Variants in NME7 observed in about 807,000 individuals in gnomAD.
NME7 encodes nucleoside diphosphate kinase 7.
NME7 carries 41 observed loss-of-function variants against 49.1 expected under a neutral mutation model. The observed-to-expected ratio is 0.83, with a 90% CI of 0.65 to 1.08. The LOEUF is 1.08. NME7 is among the 50% of genes least tolerant of loss of function. The pLI is 0.00. For missense variants in NME7, 423 were observed against 463.4 expected (o/e 0.91, Z 0.80); for synonymous variants, 139 against 150.6 (o/e 0.92, Z 0.56).
chr1:169,314,966 T>C (rs973022820), intron 3 of NME7, among the ~76,000 whole-genome samples: 1 of 152,116 alleles, frequency 6.6e-6, no homozygotes. Context: ...GATGGTCTCT[T>C]CATAGTAATA....
intron 10 of NME7, among the ~76,000 whole-genome samples, chr1:169,215,381 G>T (rs960332305): frequency 5.9e-5 from 9 of 152,162 alleles, no homozygotes; most frequent in African/African-American, 1.9e-4. Flanking sequence ...TATTCAGAAA[G>T]AACCAATCAG....
chr1:169,272,545 GT>G lies in NME7; in HGVS notation c.754+14757del, dbSNP rs1359742279. Among the ~76,000 whole-genome samples, 6 of 127,910 alleles carry G rather than the reference GT, an allele frequency of 4.7e-5. 1 individual carries two copies. Among genetic ancestry groups the G allele is most frequent in the African/African-American group, 1.6e-4 (6 of 38,134 alleles). 83.9% of individuals were successfully genotyped at this position (127,910 alleles called of 152,430 possible). On this transcript the variant is annotated intron_variant, in intron 7 of 11. Coordinates refer to ENST00000367811, the MANE Select transcript of NME7 (RefSeq NM_013330.5). ...CCACTGGTAAGTGAAAACATGCAGT[GT>G]TTGGTTTTCTGTTCCTGAGTCAGTT...
intron 11 of NME7, among the ~76,000 whole-genome samples, chr1:169,144,291 A>G (rs1658689926): frequency 6.6e-6 from 1 of 152,176 alleles, no homozygotes; most frequent in Non-Finnish European, 1.5e-5. Context: ...GAGAAGACAA[A>G]CTGGAATACT....
chr1:169,349,230 T>C (rs1653063162), intron 1 of NME7, among the ~76,000 whole-genome samples: 1 of 152,142 alleles, frequency 6.6e-6, no homozygotes, highest in Non-Finnish European at 1.5e-5. Flanking sequence ...CCTCCTTTTG[T>C]TTTTAATATA....
chr1:169,243,595 A>T (rs1477103627), intron 7 of NME7, among the ~76,000 whole-genome samples: 1 of 152,218 alleles, frequency 6.6e-6, no homozygotes, highest in Non-Finnish European at 1.5e-5. Flanking sequence ...GAATGGCATT[A>T]GTGCCCTTAT....
intron 1 of NME7, among the ~76,000 whole-genome samples, chr1:169,329,253 C>T (rs377486957): frequency 2.0e-4 from 30 of 151,888 alleles, no homozygotes; most frequent in African/African-American, 6.3e-4. Context: ...CTCACTCTAC[C>T]GCTCCAAGCT....
At chr1:169,183,537 C>T (rs1659981102) in intron 10 of NME7, among the ~76,000 whole-genome samples, 1 of 152,174 alleles carries the variant, frequency 6.6e-6, no homozygotes, top group Admixed American at 6.5e-5. Flanking sequence ...CACAGTGGCT[C>T]ACGCCTGTAA....
At chr1:169,337,930 A>C (rs541349682) in intron 1 of NME7, among the ~76,000 whole-genome samples, 3 of 152,316 alleles carry the variant, frequency 2.0e-5, no homozygotes, top group Admixed American at 2.0e-4. Flanking sequence ...ACCAGTTTTG[A>C]GCCTGTCCAG....
chr1:169,338,455 C>G (rs536050258), intron 1 of NME7, among the ~76,000 whole-genome samples: 1 of 152,264 alleles, frequency 6.6e-6, no homozygotes, highest in South Asian at 2.1e-4. Context: ...AGAACCATTT[C>G]CACAGTATGA....
chr1:169,365,766 A>G (rs1471675362), intron 1 of NME7, among the ~76,000 whole-genome samples: 1 of 152,226 alleles, frequency 6.6e-6, no homozygotes, highest in African/African-American at 2.4e-5. Flanking sequence ...TTTCCAGACC[A>G]GACTGTAAAA....
chr1:169,251,215 T>C (rs763218585), intron 7 of NME7, among the ~76,000 whole-genome samples: 59 of 152,258 alleles, frequency 3.9e-4, no homozygotes, highest in Admixed American at 1.4e-3. Context: ...GATCCTTTTA[T>C]CATCATATAA....
At chr1:169,212,314 TA>T (rs1417555291) in intron 10 of NME7, among the ~76,000 whole-genome samples, 1 of 152,128 alleles carries the variant, frequency 6.6e-6, no homozygotes, top group Non-Finnish European at 1.5e-5. Flanking sequence ...TAAATACTTT[TA>T]AAAAAGTCAT....
Position 169,253,701 on chromosome 1 carries a change from G to C in NME7, c.755-16014C>G, listed in dbSNP as rs376965313. Among the ~76,000 whole-genome samples, 95 of 152,264 alleles carry C rather than the reference G, an allele frequency of 6.2e-4. 1 individual carries two copies. The highest frequency in any genetic ancestry group is 1.9e-3 in the South Asian group (9 of 4,820). On this transcript the variant is annotated intron_variant, in intron 7 of 11. Coordinates refer to ENST00000367811, the MANE Select transcript of NME7 (RefSeq NM_013330.5). ...TCAGTATGATACTGGCTGTGGGTTT[G>C]TCATAGATAGCTCTTATTATTTTGA... is the stretch of plus-strand genomic sequence containing the variant.
At chr1:169,201,169 T>C (rs541565205) in intron 10 of NME7, among the ~76,000 whole-genome samples, 1 of 152,174 alleles carries the variant, frequency 6.6e-6, no homozygotes, top group South Asian at 2.1e-4. Context: ...AGGTAGAGGC[T>C]GTAGCAAGCT....
At chr1:169,308,236 G>T (rs1460159679) in intron 4 of NME7, among the ~76,000 whole-genome samples, 1 of 152,062 alleles carries the variant, frequency 6.6e-6, no homozygotes, top group Admixed American at 6.6e-5. Context: ...AGGGTAAAAT[G>T]GAGGGTTTTG....
chr1:169,184,295 T>C (rs1220415343), intron 10 of NME7, among the ~76,000 whole-genome samples: 2 of 152,154 alleles, frequency 1.3e-5, no homozygotes. Flanking sequence ...AAAAAATAAA[T>C]AACTTTGAAC....
At chr1:169,307,611 A>G (rs1300010148) in intron 4 of NME7, among the ~76,000 whole-genome samples, 2 of 152,220 alleles carry the variant, frequency 1.3e-5, no homozygotes, top group Non-Finnish European at 2.9e-5. Flanking sequence ...ATTATGATAA[A>G]CAAGTAGCAT....
At chr1:169,336,435 C>G (rs1427135765) in intron 1 of NME7, among the ~76,000 whole-genome samples, 30 of 152,126 alleles carry the variant, frequency 2.0e-4, no homozygotes, top group Admixed American at 1.9e-3. Context: ...CCTGTTTTGT[C>G]AGGGCACTGA....
At chr1:169,248,943 A>G (rs184031991) in intron 7 of NME7, among the ~76,000 whole-genome samples, 5 of 151,926 alleles carry the variant, frequency 3.3e-5, no homozygotes, top group Admixed American at 2.0e-4. Context: ...GTTTTTTTGC[A>G]TAGGATTGCT....
Sources: gnomAD v4.1 joint callset for allele counts (sites outside exome capture counted in the v4.1 genomes callset) on GRCh38, gnomAD v4.1.1 for gene constraint, MANE v1.5 for transcripts, NCBI Gene and HGNC (gene_info 2026-07-23, HGNC 2026-07-21) for gene names.